The following HERC1 variants were observed in gnomAD, a reference collection of about 807,000 sequenced individuals.
The protein encoded by HERC1 is HECT and RLD domain containing E3 ubiquitin protein ligase family member 1.
In HERC1, 160 loss-of-function variants were observed where a neutral mutation model predicts 554.3. The ratio of observed to expected loss-of-function variants is 0.29; its 90% CI spans 0.25 to 0.33. HERC1 has a LOEUF of 0.33. HERC1 is among the 10% of genes least tolerant of loss of function. The pLI is 1.00. For missense variants in HERC1, 4,919 were observed against 5,918.5 expected, an observed-to-expected ratio of 0.83 and a Z score of 5.54; for synonymous variants, 2,175 against 2,131.7, an observed-to-expected ratio of 1.02 and a Z score of -0.56.
chr15:63,813,556 C>T (rs958141893), intron 1 of HERC1, among the ~76,000 whole-genome samples: 2 of 152,110 alleles, frequency 1.3e-5, no homozygotes, highest in African/African-American at 4.8e-5. Context: ...ATTTACACTA[C>T]TCATTGTCTC....
At chr15:63,742,449 A>T (rs1327453705) in intron 12 of HERC1, among the ~76,000 whole-genome samples, 4 of 152,204 alleles carry the variant, frequency 2.6e-5, no homozygotes, top group Non-Finnish European at 4.4e-5. Context: ...ATAGTTTTAC[A>T]ACTTCCTTTT....
intron 3 of HERC1, among the ~76,000 whole-genome samples, chr15:63,759,884 T>C (rs983296064): frequency 6.6e-6 from 1 of 152,208 alleles, no homozygotes; most frequent in African/African-American, 2.4e-5. Flanking sequence ...GTTAGACAAA[T>C]ATTTTCCAGT....
chr15:63,774,619 A>G (rs1323206038), intron 2 of HERC1, 75 bp downstream of exon 2: 5 of 1,037,440 alleles, frequency 4.8e-6, no homozygotes, highest in Non-Finnish European at 7.0e-6. Flanking sequence ...CACTATTACC[A>G]CCAATTCATT....
Position 63,640,418 on chromosome 15 carries a change from C to T in HERC1, c.11635G>A (p.Val3879Ile), listed in dbSNP as rs745963113. 13 of 1,613,542 alleles carry T rather than the reference C, an allele frequency of 8.1e-6. No homozygotes were observed. The Admixed American group carries it at 1.7e-4, about 21-fold the overall frequency. ...AAGCATTGCATATAGGGGCTATGAACAAGTTGGTCACCACAAACCACATGA... is the reference window on the plus strand; with the variant it reads ...AAGCATTGCATATAGGGGCTATGAATAAGTTGGTCACCACAAACCACATGA... ...KPHVVCGDQL[V>I]HSPYMQCLAS... The change falls in exon 61 of 78, where the codon GTT (valine) becomes ATT (isoleucine). Residue 3879 changes from valine to isoleucine, a missense_variant. Val to Ile is a conservative substitution (Grantham distance 29). Around this residue, in one of 11 missense-constraint regions of HERC1, gnomAD observed 1,963 missense variants for 2,228.6 expected, o/e 0.88. Transcript: ENST00000443617.
intron 12 of HERC1, among the ~76,000 whole-genome samples, chr15:63,744,429 G>C (rs139247366): frequency 6.9e-4 from 105 of 152,256 alleles, no homozygotes; most frequent in African/African-American, 2.4e-3. Flanking sequence ...CTTCCCTTCA[G>C]GGGGAGTGAG....
rs747468169 is a variant in HERC1 at position 63,775,021 on chromosome 15, G to A, written c.603C>T (p.Ser201=). The change falls in exon 2 of 78, where the codon AGC becomes AGT. Residue 201 remains serine (S), a synonymous_variant. Transcript: ENST00000443617. The surrounding 1 kb of genome is among the most constrained non-coding windows in gnomAD (Gnocchi z 4.0). ...TTGCTAATGATAATGGTGGCAAAGA[G>A]CTCACAACTTCAATTGCAGTATGAA... is the stretch of plus-strand genomic sequence containing the variant. ...DVIHTAIEVV[S]SLPPLSLANE... 6.0e-5 allele frequency: 97 copies of A among 1,613,850 alleles called. No individual in the cohort carries two copies. The highest frequency in any genetic ancestry group is 7.7e-5 in the Non-Finnish European group (91 of 1,179,828).
chr15:63,747,189 G>T, intron 11 of HERC1, 106 bp from the exon 12 acceptor site: 2 of 966,054 alleles, frequency 2.1e-6, no homozygotes, highest in Non-Finnish European at 3.1e-6. Flanking sequence ...GCTAGGTGCG[G>T]TGGCTCATGC....
At chr15:63,661,713 A>G (rs751374888) in intron 45 of HERC1, 40 bp downstream of exon 45, 7 of 1,596,528 alleles carry the variant, frequency 4.4e-6, no homozygotes, top group African/African-American at 4.1e-5. Flanking sequence ...GGTATGAGGT[A>G]TCTTCAGGAG....
At chr15:63,656,615 A>G (rs78339751) in intron 48 of HERC1, among the ~76,000 whole-genome samples, 2,051 of 152,304 alleles carry the variant, frequency 0.013, 46 homozygotes, top group African/African-American at 0.047. Context: ...AATGTTCACA[A>G]AGCATAAATT....
At chr15:63,636,942 C>G (rs143161489) in intron 64 of HERC1, 9 of 316,996 alleles carry the variant, frequency 2.8e-5, no homozygotes, top group Non-Finnish European at 5.0e-5. Flanking sequence ...AGAACCTGAG[C>G]TTCTAGGAAC....
In HERC1 at chr15:63,729,310, G is replaced by C. The variant is rs1175397707; in HGVS notation, c.3080C>G (p.Thr1027Arg). Reference protein sequence around the residue: ...KHLQLLLPHATDIYSRSANLL... With the variant: ...KHLQLLLPHARDIYSRSANLL... Reference sequence around the variant, plus strand: ...ATTTGCAGAACGTGAATAAATATCTGTGGCATGAGGCAACAAAAGCTGAAG... The same window carrying C: ...ATTTGCAGAACGTGAATAAATATCTCTGGCATGAGGCAACAAAAGCTGAAG... Residue 1027 changes from threonine (T) to arginine (R), a missense_variant, in exon 16 of 78, where the codon ACA (threonine) becomes AGA (arginine). By Grantham distance (71) the Thr-to-Arg change is moderately conservative. This residue lies in a region of HERC1 where 1,121 missense variants were observed against 1,244.0 expected (regional missense o/e 0.90). Transcript: ENST00000443617. 1 of 1,611,374 alleles carries C rather than the reference G, an allele frequency of 6.2e-7. No homozygotes were observed.
chr15:63,679,048 T>C (rs918607210), intron 36 of HERC1, among the ~76,000 whole-genome samples: 1 of 152,260 alleles, frequency 6.6e-6, no homozygotes, highest in African/African-American at 2.4e-5. Flanking sequence ...ATTGTGTTTC[T>C]CAGAGGTTCT....
intron 76 of HERC1, among the ~76,000 whole-genome samples, chr15:63,614,272 T>C (rs1566938886): frequency 6.6e-6 from 1 of 152,192 alleles, no homozygotes; most frequent in Non-Finnish European, 1.5e-5. Context: ...TTTGGGGTCT[T>C]GGCTCTGCTG....
Position 63,674,462 on chromosome 15 carries a change from T to C in HERC1, c.7726A>G (p.Met2576Val). ...AATGCTCTCTTTATGGGTGACCGCA[T>C]GACTGCTCGCTTCACCATGTGTCGC... ...LMRHMVKRAV[M>V]RSPIKRALGL... Residue 2576 changes from methionine to valine, a missense_variant, in exon 38 of 78, where the codon ATG (methionine) becomes GTG (valine). Physicochemically the swap from Met to Val is conservative, Grantham distance 21. Coordinates refer to ENST00000443617, the MANE Select transcript of HERC1 (RefSeq NM_003922.4). 6.2e-7 allele frequency: 1 copy of C among 1,613,986 alleles called. No homozygotes were observed. The highest frequency in any genetic ancestry group is 8.5e-7 in the Non-Finnish European group (1 of 1,179,892).
rs571618069 is a variant in HERC1 at position 63,624,008 on chromosome 15, G to T, written c.13446-118C>A. The T allele has an allele frequency of 8.6e-6, 11 of 1,282,946 alleles. No individual in the cohort carries two copies. In the African/African-American group the frequency reaches 1.5e-4, roughly 17 times the overall value. 79.5% of individuals were successfully genotyped at this position (1,282,946 alleles called of 1,614,324 possible). On this transcript the variant is annotated intron_variant, in intron 72 of 77. Coordinates refer to ENST00000443617, the MANE Select transcript of HERC1 (RefSeq NM_003922.4). ...GTTTAACAGGCAAGCACTGTGCTAGGCCCACTGTAACCACACCAGGTACTA... is the reference window on the plus strand; with the variant it reads ...GTTTAACAGGCAAGCACTGTGCTAGTCCCACTGTAACCACACCAGGTACTA...
At chr15:63,737,358 T>C (rs1429385521) in intron 12 of HERC1, among the ~76,000 whole-genome samples, 6 of 143,772 alleles carry the variant, frequency 4.2e-5, no homozygotes, top group Non-Finnish European at 6.0e-5. Context: ...CAGATATATA[T>C]ATATCTTTTT....
intron 66 of HERC1, among the ~76,000 whole-genome samples, 170 bp downstream of exon 66, chr15:63,634,563 A>T (rs2068698643): frequency 6.6e-6 from 1 of 152,212 alleles, no homozygotes; most frequent in African/African-American, 2.4e-5. Context: ...ATTGACTTAA[A>T]ATATGAATTT....
At chr15:63,650,615 G>A (rs1157481224) in intron 53 of HERC1, among the ~76,000 whole-genome samples, 4 of 152,040 alleles carry the variant, frequency 2.6e-5, no homozygotes, top group African/African-American at 7.2e-5. Flanking sequence ...AAATGGTAGC[G>A]TTATAGAAGA....
chr15:63,793,710 A>T (rs999921010), intron 1 of HERC1, among the ~76,000 whole-genome samples: 2 of 152,044 alleles, frequency 1.3e-5, no homozygotes, highest in Non-Finnish European at 2.9e-5. Flanking sequence ...CTTGCGCAAG[A>T]TCCAAGAACC....
Sources: allele counts gnomAD v4.1 joint callset (sites outside exome capture counted in the v4.1 genomes callset), GRCh38; gene constraint gnomAD v4.1.1; regional missense constraint gnomAD v4.1.1; non-coding constraint Gnocchi (gnomAD v3.1); transcripts MANE v1.5; gene names NCBI Gene and HGNC (gene_info 2026-07-23, HGNC 2026-07-21).